RBM47: variants seen among roughly 807,000 people sequenced by gnomAD.
RBM47 encodes RNA-binding protein 47.
A neutral mutation model predicts 47.1 loss-of-function variants in RBM47; 21 were observed. That is an observed-to-expected ratio of 0.45 (90% CI 0.32 to 0.64). The LOEUF (loss-of-function observed/expected upper bound fraction) is 0.64. RBM47 is among the 30% of genes least tolerant of loss of function. RBM47 has a pLI of 0.05. For missense variants in RBM47, 708 were observed against 870.9 expected (o/e 0.81, Z 2.35); for synonymous variants, 375 against 361.7 (o/e 1.04, Z -0.42).
chr4:40,607,744 A>G (rs939870885), intron 1 of RBM47, among the ~76,000 whole-genome samples: 1 of 151,948 alleles, frequency 6.6e-6, no homozygotes, highest in Non-Finnish European at 1.5e-5. Flanking sequence ...ATATTCTGGA[A>G]TAGATCATGG....
Position 40,605,199 on chromosome 4 carries a change from AT to A in RBM47, c.-240+24196del, listed in dbSNP as rs558207448. Among the ~76,000 whole-genome samples the A allele has an allele frequency of 3.4e-3, 519 of 150,934 alleles. 4 individuals carry two copies. Among genetic ancestry groups the A allele is most frequent in the African/African-American group, 0.012 (504 of 41,034 alleles). On this transcript the variant is annotated intron_variant, in intron 1 of 6. Transcript: ENST00000295971. Reference sequence around the variant, plus strand: ...CACCGCGCCCAGCTAATTTTTTTGTATTTTTAGTAGAGACGGGGTTTCACCA... The same window carrying A: ...CACCGCGCCCAGCTAATTTTTTTGTATTTTAGTAGAGACGGGGTTTCACCA...
At chr4:40,611,685 A>G (rs1312445940) in intron 1 of RBM47, among the ~76,000 whole-genome samples, 1 of 152,114 alleles carries the variant, frequency 6.6e-6, no homozygotes, top group Non-Finnish European at 1.5e-5. Flanking sequence ...CCGAGATCGC[A>G]CCATTGCACT....
chr4:40,430,166 G>A (rs1715727339), intron 6 of RBM47, among the ~76,000 whole-genome samples: 1 of 152,056 alleles, frequency 6.6e-6, no homozygotes, highest in African/African-American at 2.4e-5. Context: ...CTACACTCCA[G>A]CCTGGGCGAC....
chr4:40,568,607 C>G (rs1731336221), intron 1 of RBM47, among the ~76,000 whole-genome samples: 1 of 151,704 alleles, frequency 6.6e-6, no homozygotes, highest in African/African-American at 2.4e-5. Context: ...GGGAGAGGAA[C>G]TAAACAAGGC....
At chr4:40,441,886 A>G (rs1217758259) in intron 3 of RBM47, among the ~76,000 whole-genome samples, 1 of 152,254 alleles carries the variant, frequency 6.6e-6, no homozygotes, top group Non-Finnish European at 1.5e-5. Context: ...TCAATGAGCC[A>G]AGAAAAGCCT....
chr4:40,572,944 G>A (rs1005112984), intron 1 of RBM47, among the ~76,000 whole-genome samples: 1 of 151,572 alleles, frequency 6.6e-6, no homozygotes, highest in African/African-American at 2.4e-5. Flanking sequence ...TTGAGGCCAG[G>A]AGTTCAAGAC....
At chr4:40,523,514 G>A (rs1726408853) in intron 2 of RBM47, among the ~76,000 whole-genome samples, 1 of 152,096 alleles carries the variant, frequency 6.6e-6, no homozygotes, top group African/African-American at 2.4e-5. Context: ...AGCTGGGCAT[G>A]GTGGCAGGCA....
At chr4:40,554,167 T>C (rs1426263729) in intron 1 of RBM47, among the ~76,000 whole-genome samples, 2 of 152,124 alleles carry the variant, frequency 1.3e-5, no homozygotes, top group African/African-American at 2.4e-5. Context: ...TAAGGCCTCA[T>C]TCAACTGAAC....
chr4:40,579,952 C>T (rs1446008294), intron 1 of RBM47, among the ~76,000 whole-genome samples: 1 of 151,924 alleles, frequency 6.6e-6, no homozygotes, highest in South Asian at 2.1e-4. Flanking sequence ...GAGACAGGGT[C>T]TCGCCTTGTT....
chr4:40,612,427 G>A (rs1736344071), intron 1 of RBM47, among the ~76,000 whole-genome samples: 1 of 152,200 alleles, frequency 6.6e-6, no homozygotes, highest in South Asian at 2.1e-4. Flanking sequence ...CAAGAGAATA[G>A]CTTGAACCCA....
At chr4:40,454,291 A>G (rs573343286) in intron 3 of RBM47, among the ~76,000 whole-genome samples, 1 of 152,308 alleles carries the variant, frequency 6.6e-6, no homozygotes, top group African/African-American at 2.4e-5. Flanking sequence ...TGTGTGACAC[A>G]TTGGTAAACT....
intron 1 of RBM47, among the ~76,000 whole-genome samples, chr4:40,555,110 T>C (rs974509917): frequency 6.6e-6 from 1 of 152,188 alleles, no homozygotes; most frequent in African/African-American, 2.4e-5. Context: ...TAATTTTTTG[T>C]ATTTTTACTA....
At chr4:40,437,647 A>T in intron 4 of RBM47, 124 bp downstream of exon 4, 3 of 994,226 alleles carry the variant, frequency 3.0e-6, no homozygotes, top group Non-Finnish European at 4.4e-6. Context: ...CAAACCCAAA[A>T]CGGGGGTGGG....
At chr4:40,486,492 A>G (rs28719879) in intron 2 of RBM47, among the ~76,000 whole-genome samples, 4,518 of 152,316 alleles carry the variant, frequency 0.03, 145 homozygotes, top group African/African-American at 0.078. Context: ...GAGTCCTACT[A>G]TATCAGCAAA....
intron 2 of RBM47, among the ~76,000 whole-genome samples, chr4:40,517,638 T>G (rs973898012): frequency 7.2e-5 from 11 of 152,156 alleles, no homozygotes; most frequent in Admixed American, 7.2e-4. Flanking sequence ...ATCCCTGAAG[T>G]CAACCAACCA....
At chr4:40,481,179 T>C (rs9991419) in intron 2 of RBM47, among the ~76,000 whole-genome samples, 54,673 of 151,904 alleles carry the variant, frequency 0.36, 9,969 homozygotes, top group East Asian at 0.44. Flanking sequence ...CTCTTCCATT[T>C]CAACTGGTGT....
chr4:40,481,731 TG>T (rs1324640523), intron 2 of RBM47, among the ~76,000 whole-genome samples: 1 of 152,174 alleles, frequency 6.6e-6, no homozygotes, highest in Non-Finnish European at 1.5e-5. Flanking sequence ...TTTATATTTT[TG>T]GTAGAGACAG....
Position 40,434,001 on chromosome 4 carries a change from G to GT in RBM47, c.1331-1140_1331-1139insA, listed in dbSNP as rs1560352344. 2.4e-4 allele frequency among the ~76,000 whole-genome samples: 15 copies of GT among 62,118 alleles called. 4 individuals carry two copies. Among genetic ancestry groups the GT allele is most frequent in the East Asian group, 1.7e-3 (3 of 1,742 alleles). The allele number at this position is 62,118 out of a possible 152,430, so 40.8% of individuals were successfully genotyped here. ...GTGTGAGTGTGTGTGTGTGGGGCGG[G>GT]GGTGTGTGTGTGTGTGTGTGTGTGT... is the stretch of plus-strand genomic sequence containing the variant. On this transcript the variant is annotated intron_variant, in intron 5 of 6. Transcript: ENST00000295971.
intron 1 of RBM47, among the ~76,000 whole-genome samples, chr4:40,590,356 C>T (rs568003467): frequency 3.6e-4 from 54 of 152,058 alleles, no homozygotes; most frequent in African/African-American, 1.2e-3. Flanking sequence ...GATCATGCCA[C>T]TGTACTCCAG....
Sources: allele counts gnomAD v4.1 joint callset (sites outside exome capture counted in the v4.1 genomes callset), GRCh38; gene constraint gnomAD v4.1.1; transcripts MANE v1.5; gene names NCBI Gene and HGNC (gene_info 2026-07-23, HGNC 2026-07-21).